The following PIGL variants were observed in gnomAD, a reference collection of about 807,000 sequenced individuals.
PIGL encodes the protein phosphatidylinositol glycan anchor biosynthesis class L.
A neutral mutation model predicts 31.1 loss-of-function variants in PIGL; 22 were observed. The observed-to-expected ratio is 0.71, with a 90% CI of 0.51 to 1.01. The LOEUF (loss-of-function observed/expected upper bound fraction) is 1.01, where lower values mean the gene tolerates loss of function less well. Ranked by LOEUF, PIGL falls within the 50% of genes least tolerant of loss-of-function variation. The pLI, the probability that PIGL is intolerant of heterozygous loss-of-function variation, is 0.00. For missense variants in PIGL, 302 were observed against 315.9 expected (o/e 0.96, Z 0.33); for synonymous variants, 131 against 117.4 (o/e 1.12, Z -0.75).
At chr17:16,260,306 G>T (rs2092813974) in intron 2 of PIGL, among the ~76,000 whole-genome samples, 1 of 152,210 alleles carries the variant, frequency 6.6e-6, no homozygotes, top group Non-Finnish European at 1.5e-5. Context: ...TGTGGGCTGG[G>T]CTGCCAGTTC....
At chr17:16,219,580 C>CTTTTTTTTTTTTTTTTTTTTTTTTT in intron 1 of PIGL, among the ~76,000 whole-genome samples, 1 of 150,802 alleles carries the variant, frequency 6.6e-6, no homozygotes, top group Non-Finnish European at 1.5e-5. Flanking sequence ...GTTTAGTTTT[C>CTTTTTTTTTTTTTTTTTTTTTTTTT]TTTTTGAGAT....
intron 3 of PIGL, among the ~76,000 whole-genome samples, chr17:16,302,342 C>T (rs116445985): frequency 0.01 from 1,578 of 152,244 alleles, 29 homozygotes; most frequent in African/African-American, 0.035. Context: ...GCTGTGCTGA[C>T]TGGGGCTTGC....
intron 6 of PIGL, among the ~76,000 whole-genome samples, chr17:16,325,073 C>A (rs1007883667): frequency 6.6e-6 from 1 of 151,916 alleles, no homozygotes; most frequent in Admixed American, 6.6e-5. Context: ...TGGCCAGGCG[C>A]GGTGGCTCAC....
At position 16,325,908 on chromosome 17, in the gene PIGL, G is replaced by A. The variant is rs1382937648; in HGVS notation, c.*10G>A. The A allele has an allele frequency of 2.5e-6, 4 of 1,587,318 alleles. No individual in the cohort carries two copies. In the African/African-American group the frequency reaches 4.0e-5, roughly 16 times the overall value. On this transcript the variant is annotated 3_prime_UTR_variant, in exon 7 of 7. Coordinates refer to ENST00000225609, the MANE Select transcript of PIGL (RefSeq NM_004278.4). ...ACTGAGCTTCCTCTGAAGCCTTGAAGGGTTTTCAGATCCAAGGAACAAAGG... is the reference window on the plus strand; with the variant it reads ...ACTGAGCTTCCTCTGAAGCCTTGAAAGGTTTTCAGATCCAAGGAACAAAGG...
chr17:16,292,853 C>T (rs545632741), intron 2 of PIGL, among the ~76,000 whole-genome samples: 1 of 152,254 alleles, frequency 6.6e-6, no homozygotes, highest in South Asian at 2.1e-4. Flanking sequence ...ACTTCACAGA[C>T]CAAGAGGGCT....
chr17:16,297,879 C>T lies in PIGL; in HGVS notation c.336-2009C>T, dbSNP rs2092989217. On this transcript the variant is annotated intron_variant, in intron 2 of 6. Transcript: ENST00000225609. Reference sequence around the variant, plus strand: ...CCCAGGCTGCAGACCAGTACAGGTCCGTGGCCTGTTAGGAACCAGGCAGCA... The same window carrying T: ...CCCAGGCTGCAGACCAGTACAGGTCTGTGGCCTGTTAGGAACCAGGCAGCA... 2.6e-5 allele frequency among the ~76,000 whole-genome samples: 4 copies of T among 152,254 alleles called. 1 individual carries two copies. Among genetic ancestry groups the T allele is most frequent in the South Asian group, 2.1e-4 (1 of 4,820 alleles).
chr17:16,325,697 ATATTAGTTCG>A, intron 6 of PIGL, 93 bp from the exon 7 acceptor site: 1 of 841,214 alleles, frequency 1.2e-6, no homozygotes, highest in East Asian at 2.4e-5. Context: ...AGCATGAAGC[ATATTAGTTCG>A]AGGAAGGATT....
chr17:16,310,958 C>T (rs1435913212), intron 3 of PIGL, among the ~76,000 whole-genome samples: 1 of 152,216 alleles, frequency 6.6e-6, no homozygotes, highest in Non-Finnish European at 1.5e-5. Flanking sequence ...GCTTCCTGAA[C>T]TTCCTCAGGT....
chr17:16,274,689 C>CTCTA (rs1416271398), intron 2 of PIGL, among the ~76,000 whole-genome samples: 1 of 150,932 alleles, frequency 6.6e-6, no homozygotes, highest in African/African-American at 2.4e-5. Flanking sequence ...CCCCATGGCA[C>CTCTA]TCTAGCCTGG....
rs561451389 is a variant in PIGL at position 16,238,805 on chromosome 17, A to G, written c.335+4735A>G. Among the ~76,000 whole-genome samples the G allele has an allele frequency of 1.9e-4, 28 of 147,434 alleles. No individual in the cohort carries two copies. The South Asian group carries it at 5.9e-3, about 31-fold the overall frequency. The stretch of plus-strand genomic sequence containing the variant: ...GTGCCTGTAATCCCAGCTACTCATG[A>G]GGCTGAGGCAGGAGAACTGCTTGAA... On this transcript the variant is annotated intron_variant, in intron 2 of 6. Transcript: ENST00000225609.
intron 2 of PIGL, among the ~76,000 whole-genome samples, chr17:16,287,617 C>T (rs887940855): frequency 6.6e-6 from 1 of 152,202 alleles, no homozygotes; most frequent in Non-Finnish European, 1.5e-5. Context: ...GTTCCTCTTT[C>T]GTCTAAGTCT....
rs567554968 is a variant in PIGL at position 16,275,283 on chromosome 17, G to A, written c.336-24605G>A. 1.1e-4 allele frequency among the ~76,000 whole-genome samples: 16 copies of A among 152,282 alleles called. No homozygotes were observed. The South Asian group carries it at 3.1e-3, about 30-fold the overall frequency. On this transcript the variant is annotated intron_variant, in intron 2 of 6. Transcript: ENST00000225609. The stretch of plus-strand genomic sequence containing the variant: ...TTGTAAACTGTCAGTGGCACTGGTG[G>A]GAGTGTCTTTTAGCATGCTGATGCA...
chr17:16,265,825 G>C (rs1171056024), intron 2 of PIGL, among the ~76,000 whole-genome samples: 1 of 151,844 alleles, frequency 6.6e-6, no homozygotes, highest in Non-Finnish European at 1.5e-5. Flanking sequence ...CTGGGCTTCA[G>C]ACCCCGCATT....
At chr17:16,258,065 AAGAAAGAGAG>A (rs2092802045) in intron 2 of PIGL, among the ~76,000 whole-genome samples, 1 of 74,860 alleles carries the variant, frequency 1.3e-5, no homozygotes, top group African/African-American at 6.6e-5. Flanking sequence ...CTTTGTCAGA[AAGAAAGAGAG>A]AGAGAGAGAG....
intron 6 of PIGL, among the ~76,000 whole-genome samples, chr17:16,322,181 C>T (rs1038805925): frequency 6.6e-6 from 1 of 152,076 alleles, no homozygotes; most frequent in Admixed American, 6.6e-5. Context: ...ACAACCTCCA[C>T]CTCCTGGGTT....
intron 2 of PIGL, among the ~76,000 whole-genome samples, chr17:16,252,201 G>A (rs1474964673): frequency 6.6e-6 from 1 of 151,788 alleles, no homozygotes; most frequent in Non-Finnish European, 1.5e-5. Context: ...AGCCTCCCGA[G>A]TAGGTGGGAT....
intron 2 of PIGL, among the ~76,000 whole-genome samples, chr17:16,291,475 A>G (rs894265325): frequency 6.9e-6 from 1 of 144,408 alleles, no homozygotes; most frequent in Non-Finnish European, 1.5e-5. Context: ...CCACTGCACT[A>G]TAGCCTGGGC....
chr17:16,325,185 T>A (rs750579297), intron 6 of PIGL, among the ~76,000 whole-genome samples: 1 of 151,620 alleles, frequency 6.6e-6, no homozygotes, highest in Non-Finnish European at 1.5e-5. Context: ...CTCTACTAAA[T>A]ATACAAAAAA....
chr17:16,303,652 A>C (rs1212642037), intron 3 of PIGL, among the ~76,000 whole-genome samples: 8 of 145,530 alleles, frequency 5.5e-5, no homozygotes, highest in Admixed American at 1.4e-4. Context: ...GATTCTCCTG[A>C]CTCAGCCTCC....
Sources: gnomAD v4.1 joint callset for allele counts (sites outside exome capture counted in the v4.1 genomes callset) on GRCh38, gnomAD v4.1.1 for gene constraint, MANE v1.5 for transcripts, NCBI Gene and HGNC (gene_info 2026-07-23, HGNC 2026-07-21) for gene names.